Variants in GSTCD observed in about 807,000 individuals in gnomAD.
GSTCD encodes glutathione S-transferase C-terminal domain-containing protein.
A neutral mutation model predicts 68.3 loss-of-function variants in GSTCD; 44 were observed. The observed-to-expected ratio is 0.64, with a 90% CI of 0.51 to 0.83. GSTCD has a LOEUF of 0.83. Ranked by LOEUF, GSTCD falls within the 40% of genes least tolerant of loss-of-function variation. The probability of loss-of-function intolerance (pLI) is 0.00; values close to 1 mark genes in which losing one functional copy is unlikely to be tolerated. For synonymous variants in GSTCD, 273 were observed against 255.2 expected, an observed-to-expected ratio of 1.07 and a Z score of -0.67; for missense variants, 739 against 735.9, an observed-to-expected ratio of 1.00 and a Z score of -0.05.
At chr4:105,769,410 G>A (rs183951370) in intron 5 of GSTCD, among the ~76,000 whole-genome samples, 1 of 152,218 alleles carries the variant, frequency 6.6e-6, no homozygotes, top group African/African-American at 2.4e-5. Context: ...CCTACCCATG[G>A]TAACCACATT....
chr4:105,784,550 C>A (rs2149251386), intron 5 of GSTCD, among the ~76,000 whole-genome samples: 1 of 152,316 alleles, frequency 6.6e-6, no homozygotes, highest in East Asian at 1.9e-4. Flanking sequence ...GGAACACATA[C>A]AACCCAAAAT....
At chr4:105,843,799 A>G (rs909159738) in intron 11 of GSTCD, among the ~76,000 whole-genome samples, 18 of 150,964 alleles carry the variant, frequency 1.2e-4, no homozygotes, top group Non-Finnish European at 2.1e-4. Flanking sequence ...TAGCAATCCA[A>G]TGAAGACATA....
intron 5 of GSTCD, among the ~76,000 whole-genome samples, chr4:105,735,125 G>T (rs549916716): frequency 2.0e-5 from 3 of 152,304 alleles, no homozygotes; most frequent in African/African-American, 4.8e-5. Flanking sequence ...TACTCGGGGG[G>T]TCAGGGACCC....
chr4:105,709,660 T>C (rs2149199045), intron 1 of GSTCD, among the ~76,000 whole-genome samples: 1 of 152,304 alleles, frequency 6.6e-6, no homozygotes. Flanking sequence ...GATGACTTGT[T>C]TTTTTCCCCT....
At position 105,845,832 on chromosome 4, in the gene GSTCD, A is replaced by C; in HGVS notation, c.*255A>C. 1 of 428,962 alleles carries C rather than the reference A, an allele frequency of 2.3e-6. No homozygotes were observed. The allele number at this position is 428,962 out of a possible 1,614,324, so 26.6% of individuals were successfully genotyped here. On this transcript the variant is annotated 3_prime_UTR_variant, in exon 12 of 12. Coordinates refer to ENST00000515279, the MANE Select transcript of GSTCD (RefSeq NM_001370181.1). ...TGAAGTCTCAGCTGCCAAAAGAATAATACTAGTGGAGGTTCCATCACAGGA... is the reference window on the plus strand; with the variant it reads ...TGAAGTCTCAGCTGCCAAAAGAATACTACTAGTGGAGGTTCCATCACAGGA...
rs1724580605 is a variant in GSTCD at position 105,847,158 on chromosome 4, T to C, written c.*1581T>C. On this transcript the variant is annotated 3_prime_UTR_variant, in exon 12 of 12. Coordinates refer to ENST00000515279, the MANE Select transcript of GSTCD (RefSeq NM_001370181.1). The stretch of plus-strand genomic sequence containing the variant: ...TCCTTTCTCAATGCTGCTAATTCTT[T>C]AAATTTTACATGTCCCAATTTATTC... 2 of 152,342 alleles carry C rather than the reference T, an allele frequency of 1.3e-5. No homozygotes were observed. Among genetic ancestry groups the C allele is most frequent in the African/African-American group, 4.8e-5 (2 of 41,586 alleles). The allele number at this position is 152,342 out of a possible 1,614,324, so 9.4% of individuals were successfully genotyped here. A position where few individuals can be genotyped will look rare whatever the true frequency, so the allele number is the denominator to read the frequency against.
intron 5 of GSTCD, among the ~76,000 whole-genome samples, chr4:105,741,885 TTTG>T (rs762049842): frequency 2.0e-5 from 3 of 152,178 alleles, no homozygotes; most frequent in Non-Finnish European, 4.4e-5. Flanking sequence ...GCATTTTAAG[TTTG>T]TTGTTTTCAG....
At chr4:105,724,663 A>G (rs1036154671) in intron 3 of GSTCD, among the ~76,000 whole-genome samples, 5 of 151,880 alleles carry the variant, frequency 3.3e-5, no homozygotes, top group African/African-American at 1.2e-4. Flanking sequence ...TATTAATAGT[A>G]CAAGCTCTCC....
chr4:105,793,504 C>T (rs1049609951), intron 5 of GSTCD, among the ~76,000 whole-genome samples: 3 of 151,284 alleles, frequency 2.0e-5, no homozygotes, highest in Admixed American at 2.0e-4. Flanking sequence ...AAGATTAAAA[C>T]AGAGTTCATT....
intron 5 of GSTCD, among the ~76,000 whole-genome samples, chr4:105,822,435 T>G (rs761972120): frequency 2.0e-5 from 3 of 152,076 alleles, no homozygotes; most frequent in Non-Finnish European, 4.4e-5. Context: ...CACAGAAGAA[T>G]CAAGAGTTCA....
chr4:105,845,704 A>G lies in GSTCD; in HGVS notation c.*127A>G. Reference sequence around the variant, plus strand: ...CTTGAACCTATTGTGCTCAGGAAGGAAAGCAACAGGGAAATCTTGGAAGTA... The same window carrying G: ...CTTGAACCTATTGTGCTCAGGAAGGGAAGCAACAGGGAAATCTTGGAAGTA... On this transcript the variant is annotated 3_prime_UTR_variant, in exon 12 of 12. Coordinates refer to ENST00000515279, the MANE Select transcript of GSTCD (RefSeq NM_001370181.1). 1.1e-6 allele frequency: 1 copy of G among 940,176 alleles called. No homozygotes were observed. Among genetic ancestry groups the G allele is most frequent in the Non-Finnish European group, 1.6e-6 (1 of 622,558 alleles). 58.2% of individuals were successfully genotyped at this position (940,176 alleles called of 1,614,324 possible). A position where few individuals can be genotyped will look rare whatever the true frequency, so the allele number is the denominator to read the frequency against.
At chr4:105,769,322 CT>C (rs1278328238) in intron 5 of GSTCD, among the ~76,000 whole-genome samples, 2 of 151,648 alleles carry the variant, frequency 1.3e-5, no homozygotes, top group Admixed American at 1.3e-4. Context: ...AAGGCTAGGT[CT>C]GCAGAGGGGC....
intron 5 of GSTCD, among the ~76,000 whole-genome samples, chr4:105,797,419 A>G (rs1735937043): frequency 2.0e-5 from 3 of 152,182 alleles, no homozygotes; most frequent in African/African-American, 7.2e-5. Flanking sequence ...GCCAGTGCAC[A>G]TGAAAGTTGT....
intron 5 of GSTCD, among the ~76,000 whole-genome samples, chr4:105,732,238 A>G (rs575619002): frequency 1.4e-4 from 22 of 152,218 alleles, no homozygotes; most frequent in African/African-American, 4.3e-4. Flanking sequence ...CTCTTTTGCT[A>G]TTGATTGGAA....
chr4:105,819,902 A>G (rs1723196988), intron 5 of GSTCD, among the ~76,000 whole-genome samples: 1 of 151,696 alleles, frequency 6.6e-6, no homozygotes, highest in South Asian at 2.1e-4. Context: ...CACACAGAAT[A>G]CTGTTGGTGT....
At chr4:105,808,948 C>A (rs1442244501) in intron 5 of GSTCD, among the ~76,000 whole-genome samples, 1 of 151,956 alleles carries the variant, frequency 6.6e-6, no homozygotes, top group Non-Finnish European at 1.5e-5. Context: ...TGCTTGAGTC[C>A]AAATTTTACT....
At position 105,789,260 on chromosome 4, in the gene GSTCD, A is replaced by C. The variant is rs956300826; in HGVS notation, c.1241-33694A>C. On this transcript the variant is annotated intron_variant, in intron 5 of 11. Coordinates refer to ENST00000515279, the MANE Select transcript of GSTCD (RefSeq NM_001370181.1). ...GGCTGTACTGATTATCTATTGCTGCATAATAAATTACTGTAAAACTTAGTG... is the reference window on the plus strand; with the variant it reads ...GGCTGTACTGATTATCTATTGCTGCCTAATAAATTACTGTAAAACTTAGTG... Among the ~76,000 whole-genome samples, 3 of 152,294 alleles carry C rather than the reference A, an allele frequency of 2.0e-5. No homozygotes were observed. In the East Asian group the frequency reaches 5.8e-4, roughly 29 times the overall value.
chr4:105,744,643 C>T (rs552591321), intron 5 of GSTCD, among the ~76,000 whole-genome samples: 20 of 152,154 alleles, frequency 1.3e-4, no homozygotes, highest in African/African-American at 4.3e-4. Context: ...CTTTTGACCC[C>T]TTGGAAATGC....
intron 5 of GSTCD, among the ~76,000 whole-genome samples, chr4:105,778,935 T>C (rs1263741995): frequency 1.3e-5 from 2 of 152,152 alleles, no homozygotes; most frequent in South Asian, 2.1e-4. Context: ...GTCTGAACTA[T>C]GTGAAATAGT....
Sources: gnomAD v4.1 joint callset for allele counts (sites outside exome capture counted in the v4.1 genomes callset) on GRCh38, gnomAD v4.1.1 for gene constraint, MANE v1.5 for transcripts, NCBI Gene and HGNC (gene_info 2026-07-23, HGNC 2026-07-21) for gene names.